The following KRT83 variants were observed in gnomAD, a reference collection of about 807,000 sequenced individuals.
The protein encoded by KRT83 is keratin, type II cuticular Hb3.
A neutral mutation model predicts 52.9 loss-of-function variants in KRT83; 51 were observed. The ratio of observed to expected loss-of-function variants is 0.96; its 90% confidence interval spans 0.77 to 1.22. KRT83 has a LOEUF of 1.22. KRT83 is among the 50% of genes most tolerant of loss of function. The pLI is 0.00. For missense variants in KRT83, 654 were observed against 666.5 expected (o/e 0.98, Z 0.21); for synonymous variants, 278 against 274.1 (o/e 1.01, Z -0.14).
rs146287955 is a variant in KRT83, at chr12:52,321,263, G to A, written c.73C>T (p.Pro25Ser). 6.7e-5 allele frequency: 108 copies of A among 1,613,374 alleles called. No homozygotes were observed. Among genetic ancestry groups the A allele is most frequent in the Middle Eastern group, 6.6e-4 (4 of 6,084 alleles). ...GNFSCVSACG[P>S]RPSRCCITAA... The stretch of plus-strand genomic sequence containing the variant: ...GTGATGCAGCAGCGGCTTGGCCGGG[G>A]CCCGCAGGCAGAGACACAGCTGAAG... The change falls in exon 1 of 9, where the codon CCC becomes TCC. Residue 25 changes from proline to serine, a missense_variant. Coordinates refer to ENST00000293670, the MANE Select transcript of KRT83 (RefSeq NM_002282.3).
At chr12:52,319,805 T>C (rs1592448550) in intron 1 of KRT83, among the ~76,000 whole-genome samples, 3 of 152,150 alleles carry the variant, frequency 2.0e-5, no homozygotes, top group South Asian at 4.1e-4. Flanking sequence ...ACTGTAAAAG[T>C]TGAAAAATAA....
At chr12:52,319,453 A>C in intron 1 of KRT83, 89 bp from the exon 2 acceptor site, 1 of 1,563,568 alleles carries the variant, frequency 6.4e-7, no homozygotes, top group Non-Finnish European at 8.8e-7. Flanking sequence ...GAAAGCCCCC[A>C]ACTCTCTGAC....
chr12:52,314,800 C>A lies in KRT83; in HGVS notation c.1313G>T (p.Gly438Val), dbSNP rs1938662017. Residue 438 changes from glycine to valine, a missense_variant, in exon 9 of 9, where the codon GGT (glycine) becomes GTT (valine). Physicochemically the swap from Gly to Val is moderately radical, Grantham distance 109 (BLOSUM62 -3). Coordinates refer to ENST00000293670, the MANE Select transcript of KRT83 (RefSeq NM_002282.3). ...AVNVCVSSSR[G>V]GVVCGDLCVS... Reference sequence around the variant, plus strand: ...GCAGAGATCCCCGCACACAACCCCACCCCGGGAGCTGCTGACACCTGTGGG... The same window carrying A: ...GCAGAGATCCCCGCACACAACCCCAACCCGGGAGCTGCTGACACCTGTGGG... The A allele has an allele frequency of 6.2e-7, 1 of 1,606,436 alleles. No individual in the cohort carries two copies.
chr12:52,315,059 G>T (rs1018511035), intron 8 of KRT83, among the ~76,000 whole-genome samples: 3 of 152,156 alleles, frequency 2.0e-5, no homozygotes, highest in Admixed American at 1.3e-4. Context: ...CCTATATAAG[G>T]TGAAGGTTAT....
intron 4 of KRT83, 137 bp from the exon 5 acceptor site, chr12:52,317,160 T>C (rs1348251360): frequency 8.6e-7 from 1 of 1,163,698 alleles, no homozygotes; most frequent in African/African-American, 1.5e-5. Context: ...TCACATAACT[T>C]TCTGCACAAA....
chr12:52,321,262 G>A lies in KRT83; in HGVS notation c.74C>T (p.Pro25Leu). The A allele has an allele frequency of 6.2e-7, 1 of 1,613,488 alleles. No individual in the cohort carries two copies. The highest frequency in any genetic ancestry group is 8.5e-7 in the Non-Finnish European group (1 of 1,179,960). Residue 25 changes from proline (P) to leucine (L), a missense_variant, in exon 1 of 9, where the codon CCC becomes CTC. Physicochemically the swap from Pro to Leu is moderately conservative, Grantham distance 98. Transcript: ENST00000293670. ...GNFSCVSACG[P>L]RPSRCCITAA... Reference sequence around the variant, plus strand: ...GGTGATGCAGCAGCGGCTTGGCCGGGGCCCGCAGGCAGAGACACAGCTGAA... The same window carrying A: ...GGTGATGCAGCAGCGGCTTGGCCGGAGCCCGCAGGCAGAGACACAGCTGAA...
rs1225461218 is a variant in KRT83, at chr12:52,319,288, C to T, written c.461G>A (p.Ser154Asn). 1 of 1,614,106 alleles carries T rather than the reference C, an allele frequency of 6.2e-7. No homozygotes were observed. The highest frequency in any genetic ancestry group is 8.5e-7 in the Non-Finnish European group (1 of 1,179,950). The change falls in exon 2 of 9, where the codon AGT (serine) becomes AAT (asparagine). Residue 154 changes from serine (S) to asparagine (N), a missense_variant. Coordinates refer to ENST00000293670, the MANE Select transcript of KRT83 (RefSeq NM_002282.3). Reference sequence around the variant, plus strand: ...GCCAGCAAACAGGGGCTCCAGGTTACTCTGGCAGCACTCGCGGTTTTGGTA... The same window carrying T: ...GCCAGCAAACAGGGGCTCCAGGTTATTCTGGCAGCACTCGCGGTTTTGGTA... ...QFYQNRECCQ[S>N]NLEPLFAGYI... is the part of the protein sequence containing the mutation.
rs148290789 is a variant in KRT83 at position 52,321,132 on chromosome 12, G to A, written c.204C>T (p.Phe68=). The change falls in exon 1 of 9, where the codon TTC becomes TTT. Residue 68 remains phenylalanine (F), a synonymous_variant. Coordinates refer to ENST00000293670, the MANE Select transcript of KRT83 (RefSeq NM_002282.3). ...GFRAGSCGRS[F]GYRSGGVCGP... is the part of the protein sequence containing the mutation. ...CGCACACGCCCCCGGAGCGGTAGCC[G>A]AAGCTGCGTCCGCAGGAGCCGGCGC... 18 of 1,612,314 alleles carry A rather than the reference G, an allele frequency of 1.1e-5. No individual in the cohort carries two copies. Among genetic ancestry groups the A allele is most frequent in the Admixed American group, 8.3e-5 (5 of 59,996 alleles).
rs758573053 is a variant in KRT83 at position 52,317,660 on chromosome 12, C to T, written c.750+21G>A. ...GATCCCATGGGGGGATCTGTGCCCACCATGGTTGAGAGCCCCTCACCTCCT... is the reference window on the plus strand; with the variant it reads ...GATCCCATGGGGGGATCTGTGCCCATCATGGTTGAGAGCCCCTCACCTCCT... On this transcript the variant is annotated intron_variant, in intron 4 of 8. Coordinates refer to ENST00000293670, the MANE Select transcript of KRT83 (RefSeq NM_002282.3). The T allele has an allele frequency of 2.5e-6, 4 of 1,610,954 alleles. No homozygotes were observed. The South Asian group carries it at 3.3e-5, about 13-fold the overall frequency.
In KRT83 at chr12:52,316,005, T is replaced by C. The variant is rs1938680213; in HGVS notation, c.1150A>G (p.Lys384Glu). Residue 384 changes from lysine to glutamate, a missense_variant, in exon 7 of 9, where the codon AAG becomes GAG. Transcript: ENST00000293670. Reference protein sequence around the residue: ...AELEGALQKAKQDMACLIREY... With the variant: ...AELEGALQKAEQDMACLIREY... ...CTGATCAGGCAGGCCATGTCTTGCT[T>C]GGCCTTCTGCAGGGCGCCCTCCAGC... 1 of 1,613,386 alleles carries C rather than the reference T, an allele frequency of 6.2e-7. No individual in the cohort carries two copies. The highest frequency in any genetic ancestry group is 8.5e-7 in the Non-Finnish European group (1 of 1,179,938).
Position 52,321,064 on chromosome 12 carries a change from C to T in KRT83, c.272G>A (p.Ser91Asn). 6.2e-7 allele frequency: 1 copy of T among 1,612,488 alleles called. No individual in the cohort carries two copies. ...CTCCAGGTTGAGGGGCGTGAGGAGG[C>T]TCTCGTTGACCGACACGGTGGTGAT... ...PCITTVSVNE[S>N]LLTPLNLEID... Residue 91 changes from serine (S) to asparagine (N), a missense_variant, in exon 1 of 9, where the codon AGC becomes AAC. By Grantham distance (46) the Ser-to-Asn change is conservative. Coordinates refer to ENST00000293670, the MANE Select transcript of KRT83 (RefSeq NM_002282.3).
Position 52,321,075 on chromosome 12 carries a change from C to G in KRT83, c.261G>C (p.Ser87=), listed in dbSNP as rs1359689232. ...GPSPPCITTV[S]VNESLLTPLN... ...GGGGCGTGAGGAGGCTCTCGTTGAC[C>G]GACACGGTGGTGATGCATGGGGGGC... The change falls in exon 1 of 9, where the codon TCG becomes TCC. Residue 87 remains serine (S), a synonymous_variant. Transcript: ENST00000293670. 1.9e-6 allele frequency: 3 copies of G among 1,612,258 alleles called. No individual in the cohort carries two copies. In the Admixed American group the frequency reaches 5.0e-5, roughly 27 times the overall value.
intron 2 of KRT83, among the ~76,000 whole-genome samples, chr12:52,318,194 G>C (rs1022997242): frequency 6.6e-5 from 10 of 151,618 alleles, no homozygotes; most frequent in African/African-American, 2.2e-4. Context: ...TTTTGTTTTT[G>C]AGATGGAGTC....
chr12:52,321,005 C>T lies in KRT83; in HGVS notation c.331G>A (p.Glu111Lys), dbSNP rs1362481395. Residue 111 changes from glutamate (E) to lysine (K), a missense_variant, in exon 1 of 9, where the codon GAG becomes AAG. Physicochemically the swap from Glu to Lys is moderately conservative, Grantham distance 56 (BLOSUM62 1). Coordinates refer to ENST00000293670, the MANE Select transcript of KRT83 (RefSeq NM_002282.3). ...DPNAQCVKQE[E>K]KEQIKSLNSR... ...TTGAGGGACTTGATCTGCTCCTTCT[C>T]CTCCTGCTTCACGCACTGCGCGTTG... 2 of 1,611,124 alleles carry T rather than the reference C, an allele frequency of 1.2e-6. No homozygotes were observed. Among genetic ancestry groups the T allele is most frequent in the African/African-American group, 2.7e-5 (2 of 74,896 alleles).
chr12:52,319,164 G>A lies in KRT83; in HGVS notation c.585C>T (p.Tyr195=). 6.2e-7 allele frequency: 1 copy of A among 1,613,284 alleles called. No homozygotes were observed. The highest frequency in any genetic ancestry group is 8.5e-7 in the Non-Finnish European group (1 of 1,179,870). ...CTCCTGCCCACACTCACTTCTTCTT[G>A]TAGCCCTCCAGCACCTCCTGCACGT... ...LNHVQEVLEG[Y]KKKYEEEVAL... is the part of the protein sequence containing the mutation. Residue 195 remains tyrosine, a synonymous_variant, in exon 2 of 9, where the codon TAC becomes TAT. Coordinates refer to ENST00000293670, the MANE Select transcript of KRT83 (RefSeq NM_002282.3).
In KRT83 at chr12:52,316,981, C is replaced by T. The variant is rs1450770517; in HGVS notation, c.793G>A (p.Val265Ile). The T allele has an allele frequency of 1.2e-6, 2 of 1,614,206 alleles. No homozygotes were observed. Among genetic ancestry groups the T allele is most frequent in the Non-Finnish European group, 1.7e-6 (2 of 1,180,038 alleles). ...LQSHISDTSVVVKLDNSRDLN... is the reference protein window; with the variant it reads ...LQSHISDTSVIVKLDNSRDLN... ...TCCCGGCTGTTGTCCAGCTTGACAACCACGGAGGTGTCTGAGATGTGGGAT... is the reference window on the plus strand; with the variant it reads ...TCCCGGCTGTTGTCCAGCTTGACAATCACGGAGGTGTCTGAGATGTGGGAT... The change falls in exon 5 of 9, where the codon GTT becomes ATT. Residue 265 changes from valine to isoleucine, a missense_variant. Transcript: ENST00000293670.
chr12:52,317,646 G>A (rs748403427), intron 4 of KRT83, 35 bp downstream of exon 4: 1 of 1,605,170 alleles, frequency 6.2e-7, no homozygotes, highest in East Asian at 2.2e-5. Context: ...ATCCCATGGG[G>A]GGATCTGTGC....
At chr12:52,317,309 C>T (rs920953598) in intron 4 of KRT83, among the ~76,000 whole-genome samples, 1 of 152,188 alleles carries the variant, frequency 6.6e-6, no homozygotes, top group Non-Finnish European at 1.5e-5. Flanking sequence ...TTCCATTCTC[C>T]TAGACCAACC....
Position 52,315,881 on chromosome 12 carries a change from G to A in KRT83, c.1262+12C>T. The A allele has an allele frequency of 6.2e-7, 1 of 1,612,258 alleles. No homozygotes were observed. Among genetic ancestry groups the A allele is most frequent in the Non-Finnish European group, 8.5e-7 (1 of 1,179,858 alleles). On this transcript the variant is annotated intron_variant, in intron 7 of 8. Transcript: ENST00000293670. ...TATGCAAGTGGAGTGCTTAGGGCTGGGTTGGACCCACCTCTGCTCCTCGCC... is the reference window on the plus strand; with the variant it reads ...TATGCAAGTGGAGTGCTTAGGGCTGAGTTGGACCCACCTCTGCTCCTCGCC...
Sources: gnomAD v4.1 joint callset for allele counts (sites outside exome capture counted in the v4.1 genomes callset) on GRCh38, gnomAD v4.1.1 for gene constraint, MANE v1.5 for transcripts, NCBI Gene and HGNC (gene_info 2026-07-23, HGNC 2026-07-21) for gene names.